Variants in SMAD6 observed in about 807,000 individuals in gnomAD.
SMAD6 encodes SMAD family member 6, also known as MAD homolog 6.
SMAD6 carries 103 observed loss-of-function variants against 39.4 expected under a neutral mutation model. That is an observed-to-expected ratio of 2.62 (90% confidence interval 2.23 to 3.08). SMAD6 has a LOEUF of 3.08. SMAD6 is among the 30% of genes most tolerant of loss of function. The pLI, the probability that SMAD6 is intolerant of heterozygous loss-of-function variation, is 0.00. For missense variants in SMAD6, 1,104 were observed against 742.9 expected (o/e 1.49, Z -5.65); for synonymous variants, 445 against 353.3 (o/e 1.26, Z -2.91).
At chr15:66,717,122 T>G (rs1414672109) in intron 3 of SMAD6, 9 of 1,288,276 alleles carry the variant, frequency 7.0e-6, no homozygotes, top group Middle Eastern at 2.1e-4. Context: ...TGAATCAAAC[T>G]TTCCTTGAGA....
intron 3 of SMAD6, among the ~76,000 whole-genome samples, chr15:66,759,110 A>T (rs1053013865): frequency 1.1e-4 from 16 of 152,240 alleles, no homozygotes; most frequent in African/African-American, 3.9e-4. Flanking sequence ...AAAACTCGGT[A>T]AAAACAGCTG....
chr15:66,758,452 G>T (rs1894141162), intron 3 of SMAD6, among the ~76,000 whole-genome samples: 1 of 152,220 alleles, frequency 6.6e-6, no homozygotes, highest in African/African-American at 2.4e-5. Context: ...TCAGGGCCAG[G>T]TGTGGTGGCT....
rs1167183071 is a variant in SMAD6 at position 66,703,710 on chromosome 15, A to G, written c.452A>G (p.Glu151Gly). ...GACCCCCTGGCCGGGGCGGCCCTGG[A>G]GCCGGCGGGCGGCGGGCGGAGTCGC... ...ASDPLAGAAL[E>G]PAGGGRSREA... is the part of the protein sequence containing the mutation. Residue 151 changes from glutamate to glycine, a missense_variant, in exon 1 of 4, where the codon GAG becomes GGG. Transcript: ENST00000288840. 7.4e-7 allele frequency: 1 copy of G among 1,346,162 alleles called. No homozygotes were observed. Among genetic ancestry groups the G allele is most frequent in the African/African-American group, 1.5e-5 (1 of 65,940 alleles). 83.4% of individuals were successfully genotyped at this position (1,346,162 alleles called of 1,614,324 possible). A position where few individuals can be genotyped will look rare whatever the true frequency, so the allele number is the denominator to read the frequency against.
chr15:66,751,747 A>G (rs1567107663), intron 3 of SMAD6, among the ~76,000 whole-genome samples: 2 of 152,204 alleles, frequency 1.3e-5, no homozygotes, highest in Non-Finnish European at 2.9e-5. Flanking sequence ...TGAGTTGTCC[A>G]TTCTACCCCC....
Position 66,703,614 on chromosome 15 carries a change from G to A in SMAD6, c.356G>A (p.Ser119Asn), listed in dbSNP as rs1893031414. Residue 119 changes from serine (S) to asparagine (N), a missense_variant, in exon 1 of 4, where the codon AGT becomes AAT. Transcript: ENST00000288840. ...EPGGPGWLPE[S>N]DCETVTCCLF... is the part of the protein sequence containing the mutation. ...GGAGGCCCGGGCTGGCTGCCCGAGA[G>A]TGACTGCGAGACGGTGACCTGCTGT... 1 of 1,230,568 alleles carries A rather than the reference G, an allele frequency of 8.1e-7. No individual in the cohort carries two copies. The highest frequency in any genetic ancestry group is 3.3e-5 in the East Asian group (1 of 30,198). The allele number at this position is 1,230,568 out of a possible 1,614,324, so 76.2% of individuals were successfully genotyped here.
At chr15:66,763,882 G>A (rs1894246835) in intron 3 of SMAD6, among the ~76,000 whole-genome samples, 1 of 152,232 alleles carries the variant, frequency 6.6e-6, no homozygotes, top group African/African-American at 2.4e-5. Flanking sequence ...CTTGAAGATG[G>A]GCATGGAGAT....
chr15:66,718,111 C>CGTGTGTGTGT (rs57053370), intron 3 of SMAD6, among the ~76,000 whole-genome samples: 18,781 of 137,024 alleles, frequency 0.14, 1,579 homozygotes, highest in East Asian at 0.22. Context: ...ATGGAAAGTC[C>CGTGTGTGTGT]GTGTGTGTGT....
chr15:66,724,256 G>A (rs556510178), intron 3 of SMAD6, among the ~76,000 whole-genome samples: 132 of 151,648 alleles, frequency 8.7e-4, no homozygotes, highest in Non-Finnish European at 1.7e-3. Context: ...TCTAATACTG[G>A]GCCTAGCTCA....
At position 66,781,343 on chromosome 15, in the gene SMAD6, C is replaced by G; in HGVS notation, c.1299C>G (p.Gly433=). The G allele has an allele frequency of 6.3e-7, 1 of 1,599,162 alleles. No individual in the cohort carries two copies. The change falls in exon 4 of 4, where the codon GGC becomes GGG. Residue 433 remains glycine (G), a synonymous_variant. Coordinates refer to ENST00000288840, the MANE Select transcript of SMAD6 (RefSeq NM_005585.5). The part of the protein sequence containing the change: ...RALVVRKVPP[G]YSIKVFDFER... ...TGGTCGTGCGCAAGGTGCCCCCCGG[C>G]TACTCCATCAAGGTGTTCGACTTCG...
chr15:66,714,198 A>G (rs1438569175), intron 2 of SMAD6, among the ~76,000 whole-genome samples: 2 of 152,178 alleles, frequency 1.3e-5, no homozygotes, highest in Non-Finnish European at 2.9e-5. Context: ...AAAGCAGCAA[A>G]AATCAGGACA....
chr15:66,710,699 C>G (rs1272830607), intron 1 of SMAD6, among the ~76,000 whole-genome samples: 1 of 152,148 alleles, frequency 6.6e-6, no homozygotes, highest in Admixed American at 6.5e-5. Context: ...CTTAGTTTAG[C>G]AAATTGTTAC....
At chr15:66,714,662 C>G (rs1893293523) in intron 2 of SMAD6, among the ~76,000 whole-genome samples, 1 of 152,202 alleles carries the variant, frequency 6.6e-6, no homozygotes, top group South Asian at 2.1e-4. Flanking sequence ...GGAGCTCCAA[C>G]TTGCAGATGG....
intron 3 of SMAD6, among the ~76,000 whole-genome samples, chr15:66,729,072 G>A (rs1477631219): frequency 6.6e-6 from 1 of 152,224 alleles, no homozygotes; most frequent in Non-Finnish European, 1.5e-5. Flanking sequence ...TACAGATGGG[G>A]CCCTGAGAGG....
chr15:66,747,787 C>A lies in SMAD6; in HGVS notation c.952+31289C>A, dbSNP rs1893932274. 6.6e-6 allele frequency among the ~76,000 whole-genome samples: 1 copy of A among 152,210 alleles called. No homozygotes were observed. The highest frequency in any genetic ancestry group is 1.5e-5 in the Non-Finnish European group (1 of 68,036). On this transcript the variant is annotated intron_variant, in intron 3 of 3. Transcript: ENST00000288840. This position sits in a 1 kb window ranked among gnomAD's most constrained non-coding sequence, Gnocchi z 4.5. ...GGGATCACTGGACATCAGGGATTGT[C>A]TGTGGTGGTTACTTATGCTCTGGCC... is the stretch of plus-strand genomic sequence containing the variant.
chr15:66,774,142 A>G (rs751961057), intron 3 of SMAD6, among the ~76,000 whole-genome samples: 77 of 152,184 alleles, frequency 5.1e-4, no homozygotes, highest in Admixed American at 2.3e-3. Flanking sequence ...GCTGAGTCCA[A>G]GGCAGTCTGG....
intron 3 of SMAD6, among the ~76,000 whole-genome samples, chr15:66,758,855 A>G (rs1057345327): frequency 2.0e-5 from 3 of 152,242 alleles, no homozygotes; most frequent in Non-Finnish European, 4.4e-5. Context: ...GAATGGGAAA[A>G]GACATAGAAG....
rs367703439 is a variant in SMAD6 at position 66,773,038 on chromosome 15, G to T, written c.953-7959G>T. Among the ~76,000 whole-genome samples, 218 of 152,322 alleles carry T rather than the reference G, an allele frequency of 1.4e-3. 3 individuals are homozygous for T. In the East Asian group the frequency reaches 0.035, roughly 24 times the overall value. ...CCCCCAGCCGACTAGCTGAGCAGCT[G>T]CCTGGAGGGTGGTGGCCAGTGTAGA... On this transcript the variant is annotated intron_variant, in intron 3 of 3. Coordinates refer to ENST00000288840, the MANE Select transcript of SMAD6 (RefSeq NM_005585.5).
At chr15:66,767,580 A>G (rs1278945619) in intron 3 of SMAD6, among the ~76,000 whole-genome samples, 2 of 152,158 alleles carry the variant, frequency 1.3e-5, no homozygotes, top group Non-Finnish European at 2.9e-5. Flanking sequence ...ACGGGTGGCC[A>G]TGGCAGAGCC....
intron 3 of SMAD6, among the ~76,000 whole-genome samples, chr15:66,764,521 A>G (rs1016623618): frequency 1.3e-5 from 2 of 152,162 alleles, no homozygotes; most frequent in Non-Finnish European, 2.9e-5. Context: ...CTGTCTTGTC[A>G]CATCAAAAGC....
Sources: allele counts gnomAD v4.1 joint callset (sites outside exome capture counted in the v4.1 genomes callset), GRCh38; gene constraint gnomAD v4.1.1; non-coding constraint Gnocchi (gnomAD v3.1); transcripts MANE v1.5; gene names NCBI Gene and HGNC (gene_info 2026-07-23, HGNC 2026-07-21).